Variants in CFP observed in about 807,000 individuals in gnomAD.
CFP encodes complement factor properdin.
Under a neutral mutation model 42.1 loss-of-function variants are expected in CFP, and 14 were observed. That is an observed-to-expected ratio of 0.33 (90% CI 0.22 to 0.52). CFP has a LOEUF of 0.52. Among genes scored for constraint, CFP ranks in the 20% least tolerant of loss-of-function variants. CFP has a pLI of 0.96. For synonymous variants in CFP, 149 were observed against 160.6 expected (o/e 0.93, Z 0.54); for missense variants, 318 against 400.4 (o/e 0.79, Z 1.76).
At position 47,625,944 on chromosome X, in the gene CFP, G is replaced by A. The variant is rs777935714; in HGVS notation, c.1244+114C>T. The A allele has an allele frequency of 1.0e-4, 64 of 609,532 alleles. No individual in the cohort carries two copies. The South Asian group carries it at 1.4e-3, about 13-fold the overall frequency. The allele number at this position is 609,532 out of a possible 1,213,427, so 50.2% of individuals were successfully genotyped here. On this transcript the variant is annotated intron_variant, in intron 8 of 8. Coordinates refer to ENST00000396992, the MANE Select transcript of CFP (RefSeq NM_001145252.3). ...TTCCTGCAGCTGGGAGGTGGCACTC[G>A]GCAAGGCAGATACCTTAGATTCAGC...
Position 47,627,145 on chromosome X carries a change from G to C in CFP, c.762C>G (p.Cys254Trp). ...AGCAGCCTCATCCTGGTGTACCTGG[G>C]CAGGGTGGCAGGCCGGTGCACCTCC... is the stretch of plus-strand genomic sequence containing the variant. ...EQRRCTGLPP[C>W]PVAGGWGPWG... Residue 254 changes from cysteine (C) to tryptophan (W), a missense_variant, in exon 5 of 9, where the codon TGC (cysteine) becomes TGG (tryptophan). Transcript: ENST00000396992. 1 of 1,211,469 alleles carries C rather than the reference G, an allele frequency of 8.3e-7. No individual in the cohort carries two copies. The highest frequency in any genetic ancestry group is 1.1e-6 in the Non-Finnish European group (1 of 895,163).
At chrX:47,628,660 A>G (rs1331577472) in intron 2 of CFP, 5 of 323,197 alleles carry the variant, frequency 1.5e-5, no homozygotes, top group Non-Finnish European at 2.9e-5. Context: ...CTATGACCTC[A>G]GAGGCCTCCT....
rs1008181550 is a variant in CFP at position 47,623,836 on chromosome X, G to A, written c.*439C>T. 1.2e-4 allele frequency: 17 copies of A among 142,269 alleles called. No homozygotes were observed. Among genetic ancestry groups the A allele is most frequent in the Non-Finnish European group, 2.1e-4 (15 of 72,073 alleles). The allele number at this position is 142,269 out of a possible 1,213,427, so 11.7% of individuals were successfully genotyped here. The stretch of plus-strand genomic sequence containing the variant: ...GCTCCTCCAGGGTTCCGGCTGGTGG[G>A]AATCTAGGGAGGTCCAGGAGACGGG... On this transcript the variant is annotated 3_prime_UTR_variant, in exon 9 of 9. Coordinates refer to ENST00000396992, the MANE Select transcript of CFP (RefSeq NM_001145252.3).
chrX:47,627,070 G>C, intron 5 of CFP, 71 bp downstream of exon 5: 10 of 1,170,317 alleles, frequency 8.5e-6, no homozygotes, highest in Non-Finnish European at 1.2e-5. Context: ...AGGAACTCTA[G>C]AAATGGCAGA....
At chrX:47,627,404 C>G in intron 4 of CFP, 67 bp downstream of exon 4, 1 of 1,199,054 alleles carries the variant, frequency 8.3e-7, no homozygotes, top group Non-Finnish European at 1.1e-6. Context: ...CCTGGCAGTT[C>G]CCTGCTGTAA....
rs954154719 is a variant in CFP, at chrX:47,629,927, A to G, written c.-83T>C. ...ATAGGCTCCTGGAATCAGCAGGGAA[A>G]GAGGAACCTAGAGGCAGGAGGAACT... On this transcript the variant is annotated 5_prime_UTR_variant, in exon 1 of 9. Coordinates refer to ENST00000396992, the MANE Select transcript of CFP (RefSeq NM_001145252.3). The G allele has an allele frequency of 8.6e-5, 86 of 1,000,478 alleles. No individual in the cohort carries two copies. Among genetic ancestry groups the G allele is most frequent in the Non-Finnish European group, 1.1e-4 (83 of 722,790 alleles). The allele number at this position is 1,000,478 out of a possible 1,213,427, so 82.5% of individuals were successfully genotyped here. A position where few individuals can be genotyped will look rare whatever the true frequency, so the allele number is the denominator to read the frequency against.
At position 47,624,540 on chromosome X, in the gene CFP, T is replaced by A. The variant is rs1013067998; in HGVS notation, c.1245-100A>T. 1,413 of 148,675 alleles carry A rather than the reference T, an allele frequency of 9.5e-3. 4 individuals are homozygous for A. Among genetic ancestry groups the A allele is most frequent in the Non-Finnish European group, 0.012 (1,212 of 99,364 alleles). 12.3% of individuals were successfully genotyped at this position (148,675 alleles called of 1,213,427 possible). A position where few individuals can be genotyped will look rare whatever the true frequency, so the allele number is the denominator to read the frequency against. On this transcript the variant is annotated intron_variant, in intron 8 of 8. Coordinates refer to ENST00000396992, the MANE Select transcript of CFP (RefSeq NM_001145252.3). ...GTGCCTGCTATATGCCGAGGGCTAC[T>A]TTTTTTTTTTTTTTTTTTCCTTTTT...
In CFP at chrX:47,624,127, T is replaced by C; in HGVS notation, c.*148A>G. On this transcript the variant is annotated 3_prime_UTR_variant, in exon 9 of 9. Coordinates refer to ENST00000396992, the MANE Select transcript of CFP (RefSeq NM_001145252.3). ...GGCTGCTGTGTCTTGGCCCGTGCTGTGCTGTTTGCCCTATGAGATGCTATC... is the reference window on the plus strand; with the variant it reads ...GGCTGCTGTGTCTTGGCCCGTGCTGCGCTGTTTGCCCTATGAGATGCTATC... 1.7e-6 allele frequency: 1 copy of C among 593,107 alleles called. No individual in the cohort carries two copies. Among genetic ancestry groups the C allele is most frequent in the Non-Finnish European group, 2.9e-6 (1 of 348,748 alleles). 48.9% of individuals were successfully genotyped at this position (593,107 alleles called of 1,213,427 possible).
chrX:47,624,539 CTTTTTTTT>C, intron 8 of CFP, 99 bp from the exon 9 acceptor site: 1 of 307,670 alleles, frequency 3.3e-6, no homozygotes, highest in Non-Finnish European at 5.0e-6. Context: ...CCGAGGGCTA[CTTTTTTTT>C]TTTTTTTTTT....
At chrX:47,624,558 TC>T (rs2057961447) in intron 8 of CFP, 118 bp from the exon 9 acceptor site, 7 of 456,031 alleles carry the variant, frequency 1.5e-5, no homozygotes, top group South Asian at 8.6e-5. Context: ...TTTTTTTTTT[TC>T]CTTTTTTTTT....
chrX:47,624,614 G>A lies in CFP; in HGVS notation c.1245-174C>T, dbSNP rs371893096. 2.5e-4 allele frequency: 104 copies of A among 409,876 alleles called. No individual in the cohort carries two copies. The African/African-American group carries it at 2.8e-3, about 11-fold the overall frequency. 33.8% of individuals were successfully genotyped at this position (409,876 alleles called of 1,213,427 possible). A position where few individuals can be genotyped will look rare whatever the true frequency, so the allele number is the denominator to read the frequency against. Reference sequence around the variant, plus strand: ...CTGTTGCCCAGGCTGCAGTGCAGTGGCACAATCATAGCTCACTGCAGCCTC... The same window carrying A: ...CTGTTGCCCAGGCTGCAGTGCAGTGACACAATCATAGCTCACTGCAGCCTC... On this transcript the variant is annotated intron_variant, in intron 8 of 8. Coordinates refer to ENST00000396992, the MANE Select transcript of CFP (RefSeq NM_001145252.3).
Position 47,628,363 on chromosome X carries a change from G to C in CFP, c.228-86C>G, listed in dbSNP as rs564587731. On this transcript the variant is annotated intron_variant, in intron 2 of 8. Coordinates refer to ENST00000396992, the MANE Select transcript of CFP (RefSeq NM_001145252.3). ...CTCCAGAGTGTGGGCAGACACGAAGGGTTGCTAGGCAAGTGCGTGTGCGAT... is the reference window on the plus strand; with the variant it reads ...CTCCAGAGTGTGGGCAGACACGAAGCGTTGCTAGGCAAGTGCGTGTGCGAT... The C allele has an allele frequency of 1.3e-4, 128 of 969,690 alleles. 2 individuals are homozygous for C. In the South Asian group the frequency reaches 1.4e-3, roughly 11 times the overall value. 79.9% of individuals were successfully genotyped at this position (969,690 alleles called of 1,213,427 possible).
At chrX:47,627,834 C>T (rs770789423) in intron 3 of CFP, among the ~76,000 whole-genome samples, 193 bp from the exon 4 acceptor site, 2 of 111,812 alleles carry the variant, frequency 1.8e-5, no homozygotes, top group African/African-American at 3.3e-5. Context: ...TCACCCTCAC[C>T]GTGCACAGTC....
Position 47,627,168 on chromosome X carries a change from T to A in CFP, c.739A>T (p.Arg247Trp), listed in dbSNP as rs1406008963. 25 of 1,211,568 alleles carry A rather than the reference T, an allele frequency of 2.1e-5. No individual in the cohort carries two copies. The highest frequency in any genetic ancestry group is 2.5e-5 in the Non-Finnish European group (22 of 895,321). Residue 247 changes from arginine (R) to tryptophan (W), a missense_variant, in exon 5 of 9, where the codon AGG becomes TGG. Physicochemically the swap from Arg to Trp is moderately radical, Grantham distance 101. Transcript: ENST00000396992. ...GGGCAGGGTGGCAGGCCGGTGCACC[T>A]CCGCTGCTCGTAGGCTAGCCCCGGG... ...PCPGLAYEQR[R>W]CTGLPPCPVA...
chrX:47,625,113 G>A (rs2057963499), intron 8 of CFP: 1 of 111,545 alleles, frequency 9.0e-6, no homozygotes, highest in South Asian at 3.7e-4. Context: ...TTCAAGCTCA[G>A]TCCCTGTCCA....
At position 47,629,553 on chromosome X, in the gene CFP, T is replaced by C; in HGVS notation, c.198A>G (p.Lys66=). ...AAGGCTGACAGAGCCCACCACTACGTTTCTGGTAGGCAAAGGCAGTGTTGA... is the reference window on the plus strand; with the variant it reads ...AAGGCTGACAGAGCCCACCACTACGCTTCTGGTAGGCAAAGGCAGTGTTGA... ...CCLNTAFAYQ[K]RSGGLCQPCR... is the part of the protein sequence containing the mutation. Residue 66 remains lysine (K), a synonymous_variant, in exon 2 of 9, where the codon AAA becomes AAG. Coordinates refer to ENST00000396992, the MANE Select transcript of CFP (RefSeq NM_001145252.3). The C allele has an allele frequency of 8.9e-7, 1 of 1,126,948 alleles. No homozygotes were observed. The highest frequency in any genetic ancestry group is 1.8e-5 in the African/African-American group (1 of 54,359). 92.9% of individuals were successfully genotyped at this position (1,126,948 alleles called of 1,213,427 possible). A position where few individuals can be genotyped will look rare whatever the true frequency, so the allele number is the denominator to read the frequency against.
chrX:47,627,625 A>C lies in CFP; in HGVS notation c.420T>G (p.Ser140=). 8.3e-7 allele frequency: 1 copy of C among 1,199,812 alleles called. No homozygotes were observed. Among genetic ancestry groups the C allele is most frequent in the Non-Finnish European group, 1.1e-6 (1 of 888,632 alleles). ...QQCCPEMGGW[S]GWGPWEPCSV... ...AGCAAGGCTCCCAGGGCCCCCAGCC[A>C]GACCAGCCGCCCATCTCTGTGGGAG... Residue 140 remains serine, a synonymous_variant, in exon 4 of 9, where the codon TCT becomes TCG. Coordinates refer to ENST00000396992, the MANE Select transcript of CFP (RefSeq NM_001145252.3).
At chrX:47,625,923 T>C (rs752922242) in intron 8 of CFP, 135 bp downstream of exon 8, 1 of 536,648 alleles carries the variant, frequency 1.9e-6, no homozygotes, top group East Asian at 3.6e-5. Flanking sequence ...CCCCACTTCC[T>C]GCAGCTGGGA....
In CFP at chrX:47,624,188, C is replaced by T; in HGVS notation, c.*87G>A. The T allele has an allele frequency of 9.3e-7, 1 of 1,074,745 alleles. No individual in the cohort carries two copies. Among genetic ancestry groups the T allele is most frequent in the Non-Finnish European group, 1.3e-6 (1 of 771,314 alleles). 88.6% of individuals were successfully genotyped at this position (1,074,745 alleles called of 1,213,427 possible). A position where few individuals can be genotyped will look rare whatever the true frequency, so the allele number is the denominator to read the frequency against. ...TGGGGAAGGGGATAGGTTGTTTTTC[C>T]TCCTTTAAGGAATCGTAGACGAACT... is the stretch of plus-strand genomic sequence containing the variant. On this transcript the variant is annotated 3_prime_UTR_variant, in exon 9 of 9. Transcript: ENST00000396992.
Sources: allele counts gnomAD v4.1 joint callset (sites outside exome capture counted in the v4.1 genomes callset), GRCh38; gene constraint gnomAD v4.1.1; transcripts MANE v1.5; gene names NCBI Gene and HGNC (gene_info 2026-07-23, HGNC 2026-07-21).